Variants in SIPA1L1 observed in about 807,000 individuals in gnomAD.
The protein encoded by SIPA1L1 is signal-induced proliferation-associated 1-like protein 1.
SIPA1L1 carries 26 observed loss-of-function variants against 162.7 expected under a neutral mutation model. The observed-to-expected ratio is 0.16, with a 90% confidence interval of 0.12 to 0.22. The LOEUF is 0.22. SIPA1L1 is among the 10% of genes least tolerant of loss of function. The pLI, the probability that SIPA1L1 is intolerant of heterozygous loss-of-function variation, is 1.00. For missense variants in SIPA1L1, 1,874 were observed against 2,241.0 expected (o/e 0.84, Z 3.31); for synonymous variants, 829 against 837.4 (o/e 0.99, Z 0.17).
intron 17 of SIPA1L1, among the ~76,000 whole-genome samples, chr14:71,710,577 G>C (rs550008614): frequency 1.3e-5 from 2 of 152,236 alleles, no homozygotes; most frequent in African/African-American, 4.8e-5. Context: ...GGAGGCCGAG[G>C]TGGGCAGATC....
At chr14:71,432,378 A>G (rs2044055371) in intron 2 of SIPA1L1, among the ~76,000 whole-genome samples, 1 of 151,998 alleles carries the variant, frequency 6.6e-6, no homozygotes, top group Admixed American at 6.6e-5. Context: ...TGGCCTGCCT[A>G]TCTAGATTCT....
At chr14:71,712,834 G>A (rs1334067417) in intron 17 of SIPA1L1, among the ~76,000 whole-genome samples, 2 of 152,132 alleles carry the variant, frequency 1.3e-5, no homozygotes, top group Admixed American at 6.5e-5. Flanking sequence ...TGGTGTCCAC[G>A]GTTGTTAGCC....
chr14:71,728,710 C>T (rs988036209), intron 19 of SIPA1L1, among the ~76,000 whole-genome samples: 1 of 152,222 alleles, frequency 6.6e-6, no homozygotes, highest in Non-Finnish European at 1.5e-5. Flanking sequence ...CCCAGGGTGG[C>T]TTTCAACCAG....
intron 13 of SIPA1L1, among the ~76,000 whole-genome samples, chr14:71,690,791 A>C (rs573586506): frequency 6.6e-6 from 1 of 152,272 alleles, no homozygotes; most frequent in South Asian, 2.1e-4. Flanking sequence ...CACTTGAGCA[A>C]CCTCAACTGT....
At chr14:71,506,043 C>T (rs963157413) in intron 2 of SIPA1L1, among the ~76,000 whole-genome samples, 4 of 150,086 alleles carry the variant, frequency 2.7e-5, no homozygotes, top group Non-Finnish European at 5.9e-5. Context: ...AAGGGATACT[C>T]ATCCTGTATT....
intron 2 of SIPA1L1, among the ~76,000 whole-genome samples, chr14:71,405,890 G>A (rs779718683): frequency 6.6e-6 from 1 of 152,186 alleles, no homozygotes; most frequent in Non-Finnish European, 1.5e-5. Flanking sequence ...TGATATCTGA[G>A]GCCATGGGAA....
chr14:71,458,493 A>G (rs943268757), intron 2 of SIPA1L1, among the ~76,000 whole-genome samples: 2 of 152,182 alleles, frequency 1.3e-5, no homozygotes, highest in African/African-American at 4.8e-5. Context: ...TAGTAACAGG[A>G]TTCATCCCCA....
chr14:71,479,464 T>G (rs568455968), intron 2 of SIPA1L1, among the ~76,000 whole-genome samples: 1 of 152,200 alleles, frequency 6.6e-6, no homozygotes, highest in East Asian at 1.9e-4. Flanking sequence ...GGCACAATTA[T>G]AGCTAACTGG....
At chr14:71,680,804 C>T (rs969919358) in intron 12 of SIPA1L1, among the ~76,000 whole-genome samples, 6 of 152,278 alleles carry the variant, frequency 3.9e-5, no homozygotes, top group South Asian at 2.1e-4. Flanking sequence ...AACACCTCTA[C>T]GCAAATAAAC....
In SIPA1L1 at chr14:71,699,085, G is replaced by A; in HGVS notation, c.3479G>A (p.Gly1160Asp). Residue 1160 changes from glycine (G) to aspartate (D), a missense_variant, in exon 14 of 24, where the codon GGT becomes GAT. By Grantham distance (94) the Gly-to-Asp change is moderately conservative (BLOSUM62 -1). Transcript: ENST00000381232. Reference sequence around the variant, plus strand: ...AACTTGTCTTCATCCAGTGATACTGGTTCTGTGGGGGGCACTTACAGGCAG... The same window carrying A: ...AACTTGTCTTCATCCAGTGATACTGATTCTGTGGGGGGCACTTACAGGCAG... ...PSNLSSSSDT[G>D]SVGGTYRQKS... 6.2e-7 allele frequency: 1 copy of A among 1,614,160 alleles called. No individual in the cohort carries two copies. The highest frequency in any genetic ancestry group is 8.5e-7 in the Non-Finnish European group (1 of 1,180,012).
intron 7 of SIPA1L1, among the ~76,000 whole-genome samples, chr14:71,641,126 A>C (rs1426000608): frequency 6.6e-6 from 1 of 152,134 alleles, no homozygotes; most frequent in Admixed American, 6.5e-5. Flanking sequence ...AGCAAAATAT[A>C]TATATGATTG....
At chr14:71,436,217 G>GT (rs1361408407) in intron 2 of SIPA1L1, among the ~76,000 whole-genome samples, 3 of 152,122 alleles carry the variant, frequency 2.0e-5, no homozygotes, top group Non-Finnish European at 4.4e-5. Context: ...GGGGCTGCTA[G>GT]TTTTTTCCAG....
chr14:71,398,192 T>C (rs1483159259), intron 2 of SIPA1L1: 1 of 152,164 alleles, frequency 6.6e-6, no homozygotes, highest in East Asian at 1.9e-4. Flanking sequence ...ATTTTTTGTA[T>C]TTTTAGTAGA....
intron 4 of SIPA1L1, among the ~76,000 whole-genome samples, chr14:71,562,399 T>C (rs2056867661): frequency 6.6e-6 from 1 of 152,202 alleles, no homozygotes; most frequent in Non-Finnish European, 1.5e-5. Flanking sequence ...ATGCTTACTT[T>C]GTGTCTGTTA....
intron 3 of SIPA1L1, among the ~76,000 whole-genome samples, chr14:71,523,902 T>C (rs2052602227): frequency 6.6e-6 from 1 of 152,222 alleles, no homozygotes; most frequent in South Asian, 2.1e-4. Flanking sequence ...TTCCTTACTT[T>C]TTGGCACCAC....
At chr14:71,475,153 T>C (rs958850188) in intron 2 of SIPA1L1, among the ~76,000 whole-genome samples, 50 of 152,346 alleles carry the variant, frequency 3.3e-4, no homozygotes, top group African/African-American at 1.1e-3. Context: ...AACCAGGTGA[T>C]TATTTTTAAG....
intron 12 of SIPA1L1, among the ~76,000 whole-genome samples, chr14:71,680,590 C>G (rs2149494827): frequency 6.6e-6 from 1 of 152,158 alleles, no homozygotes; most frequent in South Asian, 2.1e-4. Context: ...CAGAGAAGAT[C>G]TGAAGGAGAT....
chr14:71,382,357 C>T (rs894671387), intron 2 of SIPA1L1, among the ~76,000 whole-genome samples: 3 of 152,084 alleles, frequency 2.0e-5, no homozygotes, highest in East Asian at 1.9e-4. Flanking sequence ...AAAACATATC[C>T]GGATGAAATA....
intron 2 of SIPA1L1, chr14:71,416,183 C>T (rs1271788124): frequency 6.6e-6 from 1 of 151,578 alleles, no homozygotes; most frequent in Non-Finnish European, 1.5e-5. Context: ...TTTATTAACA[C>T]AGAAACTGAT....
Sources: gnomAD v4.1 joint callset for allele counts (sites outside exome capture counted in the v4.1 genomes callset) on GRCh38, gnomAD v4.1.1 for gene constraint, MANE v1.5 for transcripts, NCBI Gene and HGNC (gene_info 2026-07-23, HGNC 2026-07-21) for gene names.